The following CTNNA3 variants were observed in gnomAD, a reference collection of about 807,000 sequenced individuals.
The protein encoded by CTNNA3 is catenin alpha-3.
CTNNA3 carries 76 observed loss-of-function variants against 95.7 expected under a neutral mutation model. The observed-to-expected ratio is 0.79, with a 90% CI of 0.66 to 0.96. The LOEUF is 0.96. CTNNA3 is among the 40% of genes least tolerant of loss of function. The pLI is 0.00. For missense variants in CTNNA3, 1,191 were observed against 1,089.8 expected (o/e 1.09, Z -1.31); for synonymous variants, 431 against 374.4 (o/e 1.15, Z -1.74).
intron 9 of CTNNA3, among the ~76,000 whole-genome samples, chr10:66,628,769 G>A (rs2132337207): frequency 6.6e-6 from 1 of 152,196 alleles, no homozygotes; most frequent in East Asian, 1.9e-4. Context: ...TGGAACACTA[G>A]AAGTTCTTCA....
chr10:66,202,323 C>A (rs2087480016), intron 13 of CTNNA3, among the ~76,000 whole-genome samples: 1 of 152,198 alleles, frequency 6.6e-6, no homozygotes, highest in Non-Finnish European at 1.5e-5. Context: ...CCTCTTGTGT[C>A]AATCACCAAG....
chr10:66,644,278 CTGTCTGTCTGTCTG>C (rs1341289623), intron 9 of CTNNA3, among the ~76,000 whole-genome samples: 14 of 97,008 alleles, frequency 1.4e-4, no homozygotes, highest in African/African-American at 5.6e-4. Context: ...GTCTGTCTGT[CTGTCTGTCTGTCTG>C]TCTCTCTCTC....
Position 66,774,344 on chromosome 10 carries a change from G to A in CTNNA3, c.1128+1100C>T, listed in dbSNP as rs151338814. 9.0e-4 allele frequency among the ~76,000 whole-genome samples: 137 copies of A among 152,108 alleles called. 1 individual carries two copies. Among genetic ancestry groups the A allele is most frequent in the African/African-American group, 1.5e-3 (63 of 41,476 alleles). ...TGAGTCCTGGTACAGGTTCTGACTC[G>A]GTGCCCCATCCTCTTAGGCAGGTCA... On this transcript the variant is annotated intron_variant, in intron 8 of 17. Coordinates refer to ENST00000433211, the MANE Select transcript of CTNNA3 (RefSeq NM_013266.4).
intron 5 of CTNNA3, among the ~76,000 whole-genome samples, chr10:67,313,278 TA>T (rs890773398): frequency 6.6e-6 from 1 of 150,964 alleles, no homozygotes. Context: ...CTACTAAAAA[TA>T]AAAAAAAATA....
intron 10 of CTNNA3, among the ~76,000 whole-genome samples, chr10:66,592,536 T>C (rs1843588466): frequency 1.3e-5 from 2 of 152,174 alleles, no homozygotes; most frequent in South Asian, 4.1e-4. Context: ...TCAGAATGTA[T>C]ATGACAGATA....
intron 2 of CTNNA3, among the ~76,000 whole-genome samples, chr10:67,625,613 G>A (rs895544413): frequency 3.9e-5 from 6 of 152,064 alleles, no homozygotes; most frequent in Non-Finnish European, 8.8e-5. Context: ...TATCTTATTC[G>A]TACCTATTTT....
rs145192744 is a variant in CTNNA3 at position 67,608,741 on chromosome 10, A to C, written c.100-1692T>G. Among the ~76,000 whole-genome samples, 21 of 152,286 alleles carry C rather than the reference A, an allele frequency of 1.4e-4. No homozygotes were observed. The East Asian group carries it at 4.0e-3, about 29-fold the overall frequency. On this transcript the variant is annotated intron_variant, in intron 2 of 17. Coordinates refer to ENST00000433211, the MANE Select transcript of CTNNA3 (RefSeq NM_013266.4). ...AATAAGAACATTATTTGAAGATAAA[A>C]ATTAAGCTTCTGTATTTGGAAACAA...
intron 11 of CTNNA3, among the ~76,000 whole-genome samples, chr10:66,472,894 T>A (rs564305685): frequency 6.6e-6 from 1 of 152,056 alleles, no homozygotes; most frequent in African/African-American, 2.4e-5. Context: ...TTCAACACTA[T>A]CTCAATATGT....
chr10:67,382,844 G>C (rs1393587203), intron 5 of CTNNA3, among the ~76,000 whole-genome samples: 2 of 152,046 alleles, frequency 1.3e-5, no homozygotes, highest in Non-Finnish European at 2.9e-5. Flanking sequence ...GAGAGGAGGG[G>C]GTGCCAGGCT....
At chr10:67,390,003 A>G (rs961750672) in intron 5 of CTNNA3, among the ~76,000 whole-genome samples, 3 of 151,978 alleles carry the variant, frequency 2.0e-5, no homozygotes, top group African/African-American at 2.4e-5. Context: ...AAAGAACTAG[A>G]AAAGCAAGAG....
chr10:65,981,887 A>G (rs1257361891), intron 16 of CTNNA3, among the ~76,000 whole-genome samples: 1 of 151,988 alleles, frequency 6.6e-6, no homozygotes, highest in African/African-American at 2.4e-5. Flanking sequence ...CTAAAACCAT[A>G]AAAATTCTAG....
intron 4 of CTNNA3, among the ~76,000 whole-genome samples, chr10:67,531,197 T>G (rs1181428409): frequency 2.0e-5 from 3 of 152,186 alleles, no homozygotes; most frequent in Admixed American, 1.3e-4. Flanking sequence ...CTAGTGGAGC[T>G]GTGAGAAGAG....
chr10:67,076,263 T>C (rs1856742581), intron 7 of CTNNA3, among the ~76,000 whole-genome samples: 1 of 152,256 alleles, frequency 6.6e-6, no homozygotes, highest in African/African-American at 2.4e-5. Context: ...TAATGCTAAC[T>C]TTTCACTGGA....
At chr10:66,814,175 A>G (rs755220158) in intron 7 of CTNNA3, among the ~76,000 whole-genome samples, 1 of 151,952 alleles carries the variant, frequency 6.6e-6, no homozygotes, top group South Asian at 2.1e-4. Context: ...CCGGTATAGA[A>G]ACGTCAGAGG....
At chr10:67,440,812 G>A (rs1269092080) in intron 5 of CTNNA3, among the ~76,000 whole-genome samples, 2 of 151,930 alleles carry the variant, frequency 1.3e-5, no homozygotes, top group Non-Finnish European at 2.9e-5. Flanking sequence ...TACCTGGGAA[G>A]CCTTTCCAAG....
chr10:66,217,081 C>T (rs932532529), intron 13 of CTNNA3, among the ~76,000 whole-genome samples: 5 of 152,080 alleles, frequency 3.3e-5, no homozygotes, highest in Admixed American at 1.3e-4. Flanking sequence ...TACAGCCGGG[C>T]GCGTTGGCTC....
chr10:66,553,517 CTTTTT>C (rs753973882), intron 10 of CTNNA3, among the ~76,000 whole-genome samples: 3 of 52,224 alleles, frequency 5.7e-5, no homozygotes, highest in South Asian at 1.0e-3. Flanking sequence ...CAATACTTTT[CTTTTT>C]TTTTTTTTTT....
chr10:67,201,429 T>C (rs564252809), intron 6 of CTNNA3, among the ~76,000 whole-genome samples: 3 of 152,290 alleles, frequency 2.0e-5, no homozygotes, highest in South Asian at 2.1e-4. Flanking sequence ...AGTCAGAGTA[T>C]TGGCAGGCAC....
At position 66,888,523 on chromosome 10, in the gene CTNNA3, C is replaced by T. The variant is rs192047475; in HGVS notation, c.1048-112999G>A. Among the ~76,000 whole-genome samples, 70 of 150,964 alleles carry T rather than the reference C, an allele frequency of 4.6e-4. 1 individual carries two copies. The East Asian group carries it at 0.013, about 29-fold the overall frequency. ...CTATACAGGTACCAGATCATGCAGG[C>T]CTTTCAGGTCATGGTAGTTTTTCAT... On this transcript the variant is annotated intron_variant, in intron 7 of 17. Transcript: ENST00000433211.
Sources: gnomAD v4.1 joint callset for allele counts (sites outside exome capture counted in the v4.1 genomes callset) on GRCh38, gnomAD v4.1.1 for gene constraint, MANE v1.5 for transcripts, NCBI Gene and HGNC (gene_info 2026-07-23, HGNC 2026-07-21) for gene names.